TEX2: variants seen among roughly 807,000 people sequenced by gnomAD.
TEX2 encodes the protein testis-expressed protein 2.
Under a neutral mutation model 106.9 loss-of-function variants are expected in TEX2, and 53 were observed. The ratio of observed to expected loss-of-function variants is 0.50; its 90% CI spans 0.40 to 0.62. TEX2 has a LOEUF of 0.62. Ranked by LOEUF, TEX2 falls within the 20% of genes least tolerant of loss-of-function variation. TEX2 has a pLI of 0.00. For synonymous variants in TEX2, 523 were observed against 534.8 expected (o/e 0.98, Z 0.30); for missense variants, 1,207 against 1,379.0 (o/e 0.88, Z 1.98).
chr17:64,237,812 G>A (rs782252764), intron 1 of TEX2, among the ~76,000 whole-genome samples: 3 of 152,172 alleles, frequency 2.0e-5, no homozygotes, highest in Admixed American at 6.5e-5. Context: ...TGACCTCCCA[G>A]TGTGAGTATC....
Position 64,185,854 on chromosome 17 carries a change from G to A in TEX2, c.2424+2314C>T, listed in dbSNP as rs981030370. Among the ~76,000 whole-genome samples the A allele has an allele frequency of 6.6e-6, 1 of 152,068 alleles. No individual in the cohort carries two copies. Among genetic ancestry groups the A allele is most frequent in the South Asian group, 2.1e-4 (1 of 4,826 alleles). ...GAAGAATTGCTTGAACCTGGGAGGC[G>A]GAGATGGCAGTGAGCCAAGATCACG... On this transcript the variant is annotated intron_variant, in intron 5 of 11. Transcript: ENST00000584379. This position sits in a 1 kb window ranked among gnomAD's most constrained non-coding sequence, Gnocchi z 4.0.
At chr17:64,179,838 A>C (rs947856384) in intron 5 of TEX2, among the ~76,000 whole-genome samples, 6 of 151,932 alleles carry the variant, frequency 3.9e-5, no homozygotes, top group African/African-American at 1.5e-4. Context: ...GATCTGCTTC[A>C]CCCTTCTTAA....
chr17:64,256,368 A>AGT lies in TEX2; in HGVS notation c.-26+6798_-26+6799dup, dbSNP rs570550647. On this transcript the variant is annotated intron_variant, in intron 1 of 11. Transcript: ENST00000584379. ...AGAAACTTCCCGAGGCCCCTTGAGC[A>AGT]GTGTCTGGTTCCCAAGCTTCTGCTC... is the stretch of plus-strand genomic sequence containing the variant. Among the ~76,000 whole-genome samples the AGT allele has an allele frequency of 7.2e-5, 11 of 152,266 alleles. No individual in the cohort carries two copies. In the East Asian group the frequency reaches 2.1e-3, roughly 29 times the overall value.
intron 1 of TEX2, among the ~76,000 whole-genome samples, chr17:64,259,138 C>T (rs782692757): frequency 9.2e-5 from 14 of 152,154 alleles, no homozygotes; most frequent in Non-Finnish European, 1.9e-4. Context: ...GGGTGATCCA[C>T]GCAGCCATTG....
At chr17:64,260,838 T>C (rs1343323681) in intron 1 of TEX2, among the ~76,000 whole-genome samples, 6 of 152,006 alleles carry the variant, frequency 3.9e-5, no homozygotes, top group African/African-American at 1.5e-4. Context: ...GCAAAGAAAA[T>C]GAACTAGAAA....
chr17:64,227,319 G>A (rs1217629390), intron 1 of TEX2, among the ~76,000 whole-genome samples: 3 of 149,050 alleles, frequency 2.0e-5, no homozygotes, highest in African/African-American at 7.3e-5. Context: ...TAAACAGATG[G>A]TACTCATCAA....
intron 1 of TEX2, among the ~76,000 whole-genome samples, chr17:64,235,778 C>T (rs554327314): frequency 6.6e-6 from 1 of 152,260 alleles, no homozygotes; most frequent in East Asian, 1.9e-4. Flanking sequence ...AGTAAATGTT[C>T]TACTACAAGT....
At position 64,193,181 on chromosome 17, in the gene TEX2, C is replaced by T. The variant is rs1039517475; in HGVS notation, c.2176+378G>A. Among the ~76,000 whole-genome samples the T allele has an allele frequency of 4.6e-5, 7 of 152,164 alleles. 2 individuals carry two copies. Among genetic ancestry groups the T allele is most frequent in the Admixed American group, 3.9e-4 (6 of 15,282 alleles). ...CTGCATTCTATGGCAAGCTCAGGCT[C>T]GGAAGACATATTGAGGGTCAGGTGC... is the stretch of plus-strand genomic sequence containing the variant. On this transcript the variant is annotated intron_variant, in intron 4 of 11. Transcript: ENST00000584379.
intron 5 of TEX2, among the ~76,000 whole-genome samples, chr17:64,182,810 C>CA (rs770900950): frequency 3.3e-5 from 5 of 151,778 alleles, no homozygotes; most frequent in African/African-American, 4.8e-5. Context: ...GCATAATAAA[C>CA]TTATTTTTAT....
At chr17:64,203,158 T>C (rs560004967) in intron 2 of TEX2, among the ~76,000 whole-genome samples, 53 of 152,340 alleles carry the variant, frequency 3.5e-4, no homozygotes, top group African/African-American at 1.2e-3. Context: ...CTCAGCTTGA[T>C]ACTGAGCTGA....
chr17:64,204,716 C>T (rs944952132), intron 2 of TEX2, among the ~76,000 whole-genome samples: 1 of 152,180 alleles, frequency 6.6e-6, no homozygotes, highest in Non-Finnish European at 1.5e-5. Context: ...TGGAGTACAG[C>T]AAACCTCTTC....
rs993595952 is a variant in TEX2, at chr17:64,193,720, G to A, written c.2015C>T (p.Pro672Leu). ...AGATCTTGTTCCCTCCTGAGGGCGGGGTGGCTTCTTAGGGTCCTCACTTCC... is the reference window on the plus strand; with the variant it reads ...AGATCTTGTTCCCTCCTGAGGGCGGAGTGGCTTCTTAGGGTCCTCACTTCC... ...AEGSEDPKKP[P>L]RPQEGTRSSQ... Residue 672 changes from proline (P) to leucine (L), a missense_variant, in exon 4 of 12, where the codon CCC (proline) becomes CTC (leucine). Around this residue, in one of 3 missense-constraint regions of TEX2, gnomAD observed 1,067 missense variants for 1,193.6 expected, o/e 0.89. Transcript: ENST00000584379. 5 of 1,613,128 alleles carry A rather than the reference G, an allele frequency of 3.1e-6. No individual in the cohort carries two copies. The highest frequency in any genetic ancestry group is 4.2e-6 in the Non-Finnish European group (5 of 1,179,456).
At chr17:64,189,621 G>C (rs1567928944) in intron 4 of TEX2, among the ~76,000 whole-genome samples, 1 of 152,146 alleles carries the variant, frequency 6.6e-6, no homozygotes, top group Non-Finnish European at 1.5e-5. Context: ...TTTAAGCATG[G>C]GATGCGCCTG....
intron 1 of TEX2, among the ~76,000 whole-genome samples, chr17:64,257,044 G>A (rs2166293): frequency 0.8 from 122,395 of 152,196 alleles, 49,414 homozygotes; most frequent in Middle Eastern, 0.89. Flanking sequence ...TTTAATCTCA[G>A]ATCCTAAATA....
intron 1 of TEX2, among the ~76,000 whole-genome samples, chr17:64,216,764 C>A (rs1306833834): frequency 6.6e-5 from 10 of 152,180 alleles, no homozygotes; most frequent in Non-Finnish European, 1.5e-4. Context: ...TCACCAGGAC[C>A]CTGCTTGCCT....
In TEX2 at chr17:64,205,092, C is replaced by G. The variant is rs113487977; in HGVS notation, c.1644+7482G>C. 6.6e-6 allele frequency among the ~76,000 whole-genome samples: 1 copy of G among 152,210 alleles called. No homozygotes were observed. Among genetic ancestry groups the G allele is most frequent in the Admixed American group, 6.5e-5 (1 of 15,280 alleles). Reference sequence around the variant, plus strand: ...TGGAATTCAGGAAGCACGTTCCACACAGCTGCCTCTCCAACTTCAACACAA... The same window carrying G: ...TGGAATTCAGGAAGCACGTTCCACAGAGCTGCCTCTCCAACTTCAACACAA... On this transcript the variant is annotated intron_variant, in intron 2 of 11. Coordinates refer to ENST00000584379, the MANE Select transcript of TEX2 (RefSeq NM_001288732.2). The surrounding 1 kb of genome is among the most constrained non-coding windows in gnomAD (Gnocchi z 4.0).
At chr17:64,193,101 G>A (rs1489232273) in intron 4 of TEX2, among the ~76,000 whole-genome samples, 1 of 152,202 alleles carries the variant, frequency 6.6e-6, no homozygotes, top group Non-Finnish European at 1.5e-5. Flanking sequence ...GTGCTGCATG[G>A]TTATCAATCC....
chr17:64,163,966 C>A (rs998910743), intron 7 of TEX2, among the ~76,000 whole-genome samples: 2 of 152,108 alleles, frequency 1.3e-5, no homozygotes, highest in African/African-American at 4.8e-5. Context: ...AGAACAAAAC[C>A]AGAAATTGAG....
rs547691479 is a variant in TEX2 at position 64,147,355 on chromosome 17, T to C, written c.*1614A>G. The C allele has an allele frequency of 3.3e-5, 5 of 152,164 alleles. No homozygotes were observed. The highest frequency in any genetic ancestry group is 3.3e-4 in the Admixed American group (5 of 15,256). 9.4% of individuals were successfully genotyped at this position (152,164 alleles called of 1,614,324 possible). A position where few individuals can be genotyped will look rare whatever the true frequency, so the allele number is the denominator to read the frequency against. On this transcript the variant is annotated 3_prime_UTR_variant, in exon 12 of 12. Transcript: ENST00000584379. ...GTAAATGAAAGCTGCGATTGCCAGG[T>C]GAGGGCCCCGGTGCTCTGTACTCAT...
Sources: gnomAD v4.1 joint callset for allele counts (sites outside exome capture counted in the v4.1 genomes callset) on GRCh38, gnomAD v4.1.1 for gene constraint, gnomAD v4.1.1 regional missense constraint, Gnocchi (gnomAD v3.1) non-coding constraint, MANE v1.5 for transcripts, NCBI Gene and HGNC (gene_info 2026-07-23, HGNC 2026-07-21) for gene names.